The following HK1 variants were observed in gnomAD, a reference collection of about 807,000 sequenced individuals.
HK1 encodes the protein hexokinase 1.
Under a neutral mutation model 91.6 loss-of-function variants are expected in HK1, and 28 were observed. That is an observed-to-expected ratio of 0.31 (90% CI 0.23 to 0.42). The LOEUF is 0.42. Among genes scored for constraint, HK1 ranks in the 10% least tolerant of loss-of-function variants. The pLI is 1.00. For missense variants in HK1, 770 were observed against 1,219.8 expected (o/e 0.63, Z 5.49); for synonymous variants, 430 against 468.1 (o/e 0.92, Z 1.05).
Position 69,288,064 on chromosome 10 carries a change from C to T in HK1, c.-214-607C>T, listed in dbSNP as rs368062689. On this transcript the variant is annotated intron_variant, in intron 2 of 21. Coordinates refer to the HK1 transcript ENST00000360289. ...TCAGCAGGCTGAGGCAGGAGGATTG[C>T]TTGTGTCCAAGAGTTCAAGTTTGAG... Among the ~76,000 whole-genome samples, 57 of 152,204 alleles carry T rather than the reference C, an allele frequency of 3.7e-4. 1 individual carries two copies. In the South Asian group the frequency reaches 0.012, roughly 31 times the overall value.
At chr10:69,332,389 C>CCTTCTTTCTTTCTTTCTTTCT in intron 1 of HK1, among the ~76,000 whole-genome samples, 1 of 149,396 alleles carries the variant, frequency 6.7e-6, no homozygotes, top group Non-Finnish European at 1.5e-5. Context: ...TTCTTTTTTT[C>CCTTCTTTCTTTCTTTCTTTCT]TTTTTTTGAG....
chr10:69,318,667 C>T (rs961931329), upstream of HK1, among the ~76,000 whole-genome samples: 1 of 152,138 alleles, frequency 6.6e-6, no homozygotes, highest in South Asian at 2.1e-4. Flanking sequence ...CCGCCGCGTC[C>T]CCGCTCCCCG....
chr10:69,352,794 T>C (rs1848943797), intron 2 of HK1, among the ~76,000 whole-genome samples: 1 of 152,166 alleles, frequency 6.6e-6, no homozygotes, highest in African/African-American at 2.4e-5. Context: ...TAAAATTAGA[T>C]AGTGGTGATG....
intron 16 of HK1, among the ~76,000 whole-genome samples, chr10:69,397,847 A>G (rs911358169): frequency 6.6e-6 from 1 of 152,238 alleles, no homozygotes; most frequent in Admixed American, 6.5e-5. Flanking sequence ...ACAAATGGAA[A>G]AAAAAGAGAT....
chr10:69,376,169 A>G (rs531139937), intron 7 of HK1, among the ~76,000 whole-genome samples: 2 of 152,224 alleles, frequency 1.3e-5, no homozygotes, highest in East Asian at 3.9e-4. Flanking sequence ...TGAGCTGGGA[A>G]ATGGGGAGAA....
At position 69,400,779 on chromosome 10, in the gene HK1, GC is replaced by G. The variant is rs140589909; in HGVS notation, c.2610-210del. On this transcript the variant is annotated intron_variant, in intron 17 of 17. Coordinates refer to ENST00000359426, the MANE Select transcript of HK1 (RefSeq NM_000188.3). ...AACTGGCCACAGCTGCTTCTAAGCAGCCTGCCTCCCAACCATGTTCACCCTC... is the reference window on the plus strand; with the variant it reads ...AACTGGCCACAGCTGCTTCTAAGCAGCTGCCTCCCAACCATGTTCACCCTC... 5.3e-3 allele frequency among the ~76,000 whole-genome samples: 809 copies of G among 152,312 alleles called. 7 individuals carry two copies. Among genetic ancestry groups the G allele is most frequent in the South Asian group, 0.039 (189 of 4,824 alleles).
In HK1 at chr10:69,384,425, A is replaced by G. The variant is rs750960443; in HGVS notation, c.1663A>G (p.Met555Val). Reference protein sequence around the residue: ...IRSGKKRTVEMHNKIYAIPIE... With the variant: ...IRSGKKRTVEVHNKIYAIPIE... Reference sequence around the variant, plus strand: ...TAGTGGGAAAAAGAGAACGGTGGAAATGCACAACAAGATCTACGCCATTCC... The same window carrying G: ...TAGTGGGAAAAAGAGAACGGTGGAAGTGCACAACAAGATCTACGCCATTCC... Residue 555 changes from methionine (M) to valine (V), a missense_variant, in exon 11 of 18, where the codon ATG becomes GTG. By Grantham distance (21) the Met-to-Val change is conservative. This residue lies in a region of HK1 where 48 missense variants were observed against 128.2 expected (regional missense o/e 0.37). Coordinates refer to ENST00000359426, the MANE Select transcript of HK1 (RefSeq NM_000188.3). 6.2e-7 allele frequency: 1 copy of G among 1,614,224 alleles called. No homozygotes were observed. Among genetic ancestry groups the G allele is most frequent in the Non-Finnish European group, 8.5e-7 (1 of 1,180,022 alleles).
At chr10:69,339,868 C>T (rs553000831) in intron 1 of HK1, among the ~76,000 whole-genome samples, 47 of 152,306 alleles carry the variant, frequency 3.1e-4, no homozygotes, top group African/African-American at 1.1e-3. Context: ...CCTCACTCCC[C>T]CAGCTGTGTG....
rs187292426 is a variant in HK1, at chr10:69,365,300, G to A, written c.495+398G>A. On this transcript the variant is annotated intron_variant, in intron 4 of 17. Transcript: ENST00000359426. Reference sequence around the variant, plus strand: ...ATATGCTCAGGGCCCTGTCCCTCAGGTGCCAGGGCTGCCTCTCCATAGTGG... The same window carrying A: ...ATATGCTCAGGGCCCTGTCCCTCAGATGCCAGGGCTGCCTCTCCATAGTGG... Among the ~76,000 whole-genome samples the A allele has an allele frequency of 1.7e-4, 26 of 152,202 alleles. No individual in the cohort carries two copies. In the East Asian group the frequency reaches 3.9e-3, roughly 23 times the overall value.
intron 7 of HK1, among the ~76,000 whole-genome samples, chr10:69,371,994 C>T (rs534195424): frequency 5.3e-5 from 8 of 152,248 alleles, no homozygotes; most frequent in African/African-American, 1.9e-4. Flanking sequence ...GGGCAATTTA[C>T]AAAAGAAAGA....
chr10:69,318,909 C>A lies in HK1; in HGVS notation c.-39C>A, dbSNP rs1420873496. ...CTCGCCAGGGCTGCGGAGGACCGAC[C>A]GTCCCCACGCCTGCCGCCCCGCGAC... On this transcript the variant is annotated 5_prime_UTR_variant, in exon 1 of 18. Transcript: ENST00000359426. The A allele has an allele frequency of 9.0e-6, 14 of 1,557,110 alleles. No individual in the cohort carries two copies. The highest frequency in any genetic ancestry group is 2.4e-5 in the East Asian group (1 of 41,028).
intron 1 of HK1, among the ~76,000 whole-genome samples, chr10:69,326,503 A>C (rs572492465): frequency 6.6e-6 from 1 of 152,206 alleles, no homozygotes; most frequent in Admixed American, 6.5e-5. Context: ...AAAATCAGGA[A>C]TAGGATTCAG....
At chr10:69,329,516 C>T (rs902434663) in intron 1 of HK1, among the ~76,000 whole-genome samples, 4 of 152,106 alleles carry the variant, frequency 2.6e-5, no homozygotes, top group African/African-American at 9.7e-5. Context: ...TCTTGGAAAA[C>T]CCCTGCTTTT....
At chr10:69,289,988 A>C (rs920761607) in intron 3 of HK1, among the ~76,000 whole-genome samples, 3 of 151,990 alleles carry the variant, frequency 2.0e-5, no homozygotes, top group African/African-American at 4.8e-5. Context: ...ACCCTGGAAA[A>C]TGTTTATAGG....
chr10:69,400,541 C>T (rs942203306), intron 17 of HK1, among the ~76,000 whole-genome samples: 2 of 152,186 alleles, frequency 1.3e-5, no homozygotes, highest in East Asian at 1.9e-4. Flanking sequence ...CTGGCTTGCA[C>T]CTGCCTTAAT....
chr10:69,312,762 T>A (rs1846435265), upstream of HK1, among the ~76,000 whole-genome samples: 1 of 152,146 alleles, frequency 6.6e-6, no homozygotes, highest in Non-Finnish European at 1.5e-5. Flanking sequence ...GAGAATCAGA[T>A]AACGGGAAGG....
chr10:69,351,709 G>A (rs1320314082), intron 2 of HK1, among the ~76,000 whole-genome samples: 2 of 152,114 alleles, frequency 1.3e-5, no homozygotes, highest in Admixed American at 6.5e-5. Context: ...TTATGGCTTC[G>A]GATTCAAATG....
chr10:69,338,364 G>A (rs1193312152), intron 1 of HK1: 17 of 1,190,726 alleles, frequency 1.4e-5, no homozygotes, highest in East Asian at 5.9e-5. Flanking sequence ...GGGACTGGGC[G>A]CCTTCCCATT....
intron 5 of HK1, among the ~76,000 whole-genome samples, chr10:69,308,756 C>G (rs1846222662): frequency 6.6e-6 from 1 of 152,128 alleles, no homozygotes; most frequent in African/African-American, 2.4e-5. Context: ...GGGTCTGTCT[C>G]TCTTCTCTCA....
Sources: gnomAD v4.1 joint callset for allele counts (sites outside exome capture counted in the v4.1 genomes callset) on GRCh38, gnomAD v4.1.1 for gene constraint, gnomAD v4.1.1 regional missense constraint, MANE v1.5 for transcripts, NCBI Gene and HGNC (gene_info 2026-07-23, HGNC 2026-07-21) for gene names.